The following FGD6 variants were observed in gnomAD, a reference collection of about 807,000 sequenced individuals.
FGD6 encodes the protein FYVE, RhoGEF and PH domain-containing protein 6.
Under a neutral mutation model 149.4 loss-of-function variants are expected in FGD6, and 90 were observed. That is an observed-to-expected ratio of 0.60 (90% CI 0.51 to 0.72). The LOEUF is 0.72. Among genes scored for constraint, FGD6 ranks in the 30% least tolerant of loss-of-function variants. The pLI, the probability that FGD6 is intolerant of heterozygous loss-of-function variation, is 0.00. For missense variants in FGD6, 1,437 were observed against 1,684.8 expected, an observed-to-expected ratio of 0.85 and a Z score of 2.57; for synonymous variants, 527 against 584.0, an observed-to-expected ratio of 0.90 and a Z score of 1.41.
chr12:95,153,912 C>CGTGTGTGTGTGTGTGT (rs754945627), intron 3 of FGD6, among the ~76,000 whole-genome samples: 13 of 141,318 alleles, frequency 9.2e-5, no homozygotes, highest in African/African-American at 3.0e-4. Context: ...AAATGAAATT[C>CGTGTGTGTGTGTGTGT]GTGTGTGTGT....
intron 5 of FGD6, among the ~76,000 whole-genome samples, chr12:95,142,609 C>CAA (rs1565906788): frequency 6.6e-6 from 1 of 152,194 alleles, no homozygotes; most frequent in Non-Finnish European, 1.5e-5. Context: ...ATCCTGGATC[C>CAA]AAGCCTTTGC....
chr12:95,100,699 A>G, intron 14 of FGD6: 1 of 538,962 alleles, frequency 1.9e-6, no homozygotes, highest in Non-Finnish European at 3.8e-6. Context: ...GAGCAATGTG[A>G]AGTTGACTGC....
At position 95,217,235 on chromosome 12, in the gene FGD6, A is replaced by C. The variant is rs1403925811; in HGVS notation, c.6T>G (p.Thr2=). M[T]SAAEIKKPPV... The stretch of plus-strand genomic sequence containing the variant: ...AGCGCCGTCACTTACCGGCTGCAGA[A>C]GTCATGATTCCCCGGTGCAGCTCGC... Residue 2 remains threonine, a synonymous_variant, in exon 1 of 21, where the codon ACT becomes ACG. Coordinates refer to ENST00000343958, the MANE Select transcript of FGD6 (RefSeq NM_018351.4). The C allele has an allele frequency of 6.2e-7, 1 of 1,611,970 alleles. No homozygotes were observed. The highest frequency in any genetic ancestry group is 1.1e-5 in the South Asian group (1 of 90,960).
intron 5 of FGD6, among the ~76,000 whole-genome samples, chr12:95,145,775 G>A (rs1839061705): frequency 6.6e-6 from 1 of 152,070 alleles, no homozygotes; most frequent in African/African-American, 2.4e-5. Flanking sequence ...TTGGGTTCAA[G>A]CGATTCTACT....
At chr12:95,093,608 G>A (rs541553041) in intron 15 of FGD6, among the ~76,000 whole-genome samples, 4 of 151,910 alleles carry the variant, frequency 2.6e-5, no homozygotes, top group East Asian at 1.9e-4. Flanking sequence ...CCTGGGAGGC[G>A]GAGGTTGTGG....
intron 9 of FGD6, among the ~76,000 whole-genome samples, chr12:95,108,791 C>A (rs139729375): frequency 1.1e-4 from 17 of 152,134 alleles, no homozygotes; most frequent in Admixed American, 7.9e-4. Context: ...TATAGGGAAA[C>A]AATGAGCCAA....
intron 8 of FGD6, among the ~76,000 whole-genome samples, chr12:95,133,275 G>A (rs371713000): frequency 1.3e-5 from 2 of 152,110 alleles, no homozygotes; most frequent in South Asian, 2.1e-4. Context: ...AAAATTAGCC[G>A]GGCATGGTGG....
At chr12:95,137,475 A>C in intron 7 of FGD6, 47 bp downstream of exon 7, 1 of 1,410,428 alleles carries the variant, frequency 7.1e-7, no homozygotes. Context: ...TAAAGCTTCA[A>C]CAACAAAAAG....
chr12:95,153,432 C>A (rs969268003), intron 3 of FGD6, among the ~76,000 whole-genome samples: 26 of 152,124 alleles, frequency 1.7e-4, no homozygotes, highest in Non-Finnish European at 5.9e-5. Flanking sequence ...GAGGCCGAGG[C>A]GGGTGGATCA....
At chr12:95,198,725 T>C (rs952038767) in intron 2 of FGD6, among the ~76,000 whole-genome samples, 4 of 152,220 alleles carry the variant, frequency 2.6e-5, no homozygotes, top group Non-Finnish European at 5.9e-5. Context: ...CGTGAGCCAC[T>C]GTGCCCGTCC....
intron 15 of FGD6, among the ~76,000 whole-genome samples, chr12:95,093,875 A>T (rs1878151484): frequency 6.6e-6 from 1 of 151,072 alleles, no homozygotes; most frequent in Admixed American, 6.6e-5. Context: ...AATATGGGCT[A>T]TTGGCCAGGC....
chr12:95,105,456 G>A, intron 13 of FGD6, among the ~76,000 whole-genome samples: 1 of 152,016 alleles, frequency 6.6e-6, no homozygotes, highest in Admixed American at 6.6e-5. Flanking sequence ...ATCAAACACT[G>A]CAAGTTCTTT....
chr12:95,208,580 G>A lies in FGD6; in HGVS notation c.2441+263C>T, dbSNP rs558333409. On this transcript the variant is annotated intron_variant, in intron 2 of 20. Transcript: ENST00000343958. ...GAGGCCCAGGACCTCTCTGTTCCAC[G>A]CCTTCCTTGCAGCAGCACCTACATT... Among the ~76,000 whole-genome samples, 17 of 152,208 alleles carry A rather than the reference G, an allele frequency of 1.1e-4. No homozygotes were observed. In the South Asian group the frequency reaches 2.1e-3, roughly 19 times the overall value.
chr12:95,081,733 G>C (rs1230308982), intron 20 of FGD6, among the ~76,000 whole-genome samples, 177 bp from the exon 21 acceptor site: 1 of 147,250 alleles, frequency 6.8e-6, no homozygotes, highest in Non-Finnish European at 1.5e-5. Flanking sequence ...TGCTCAGGCT[G>C]GAGTGCAATA....
intron 2 of FGD6, among the ~76,000 whole-genome samples, chr12:95,175,940 C>A (rs1235195965): frequency 6.6e-6 from 1 of 151,214 alleles, no homozygotes; most frequent in Non-Finnish European, 1.5e-5. Flanking sequence ...TGAACTGAAA[C>A]AAATGTTAAA....
At chr12:95,141,577 ATG>A (rs1447275646) in intron 5 of FGD6, 38 bp from the exon 6 acceptor site, 1 of 1,597,656 alleles carries the variant, frequency 6.3e-7, no homozygotes, top group African/African-American at 1.5e-5. Flanking sequence ...ATACACACAC[ATG>A]TAACTTGATA....
At chr12:95,216,435 T>C (rs776225306) in intron 1 of FGD6, among the ~76,000 whole-genome samples, 1 of 152,200 alleles carries the variant, frequency 6.6e-6, no homozygotes, top group Non-Finnish European at 1.5e-5. Flanking sequence ...AATTAACCTA[T>C]GTACTTACGA....
Position 95,108,528 on chromosome 12 carries a change from T to C in FGD6, c.3167A>G (p.His1056Arg). 1 of 1,614,120 alleles carries C rather than the reference T, an allele frequency of 6.2e-7. No individual in the cohort carries two copies. Among genetic ancestry groups the C allele is most frequent in the Non-Finnish European group, 8.5e-7 (1 of 1,179,966 alleles). ...TCCTTGCTTCATGGTGTCATTGGCGTGGTTGGCTACCTCTATAACAACAGC... is the reference window on the plus strand; with the variant it reads ...TCCTTGCTTCATGGTGTCATTGGCGCGGTTGGCTACCTCTATAACAACAGC... ...ALAVVIEVAN[H>R]ANDTMKQGDN... The change falls in exon 10 of 21, where the codon CAC becomes CGC. Residue 1056 changes from histidine to arginine, a missense_variant. Transcript: ENST00000343958.
intron 3 of FGD6, among the ~76,000 whole-genome samples, chr12:95,160,953 C>T (rs1405539703): frequency 6.6e-6 from 1 of 151,938 alleles, no homozygotes; most frequent in African/African-American, 2.4e-5. Flanking sequence ...GCCAAGGCAG[C>T]CGGATCACTT....
Sources: gnomAD v4.1 joint callset for allele counts (sites outside exome capture counted in the v4.1 genomes callset) on GRCh38, gnomAD v4.1.1 for gene constraint, MANE v1.5 for transcripts, NCBI Gene and HGNC (gene_info 2026-07-23, HGNC 2026-07-21) for gene names.